KSR2: variants seen among roughly 807,000 people sequenced by gnomAD.
KSR2 encodes the protein kinase suppressor of ras 2.
KSR2 carries 25 observed loss-of-function variants against 107.8 expected under a neutral mutation model. That is an observed-to-expected ratio of 0.23 (90% CI 0.17 to 0.32). The LOEUF (loss-of-function observed/expected upper bound fraction) is 0.32, where lower values mean the gene tolerates loss of function less well. Ranked by LOEUF, KSR2 falls within the 10% of genes least tolerant of loss-of-function variation. KSR2 has a pLI of 1.00. For missense variants in KSR2, 887 were observed against 1,268.9 expected, an observed-to-expected ratio of 0.70 and a Z score of 4.57; for synonymous variants, 480 against 507.0, an observed-to-expected ratio of 0.95 and a Z score of 0.71.
In KSR2 at chr12:117,463,361, G is replaced by C. The variant is rs1360356339; in HGVS notation, c.*3838C>G. 6.6e-6 allele frequency: 1 copy of C among 152,158 alleles called. No individual in the cohort carries two copies. The highest frequency in any genetic ancestry group is 1.9e-4 in the East Asian group (1 of 5,176). 9.4% of individuals were successfully genotyped at this position (152,158 alleles called of 1,614,324 possible). ...CCAACCCTCTCTATCAAAGGCTCCTGTTCCTCCCCTGACAGCCATATCCAA... is the reference window on the plus strand; with the variant it reads ...CCAACCCTCTCTATCAAAGGCTCCTCTTCCTCCCCTGACAGCCATATCCAA... On this transcript the variant is annotated 3_prime_UTR_variant, in exon 20 of 20. Coordinates refer to ENST00000339824, the MANE Select transcript of KSR2 (RefSeq NM_173598.6).
intron 14 of KSR2, among the ~76,000 whole-genome samples, chr12:117,507,335 C>A (rs1298880094): frequency 6.6e-6 from 1 of 152,158 alleles, no homozygotes; most frequent in Non-Finnish European, 1.5e-5. Context: ...GTCTTTAAGT[C>A]ACTTAAAGAA....
intron 5 of KSR2, 26 bp from the exon 6 acceptor site, chr12:117,582,385 TAC>T: frequency 6.3e-7 from 1 of 1,588,902 alleles, no homozygotes; most frequent in Non-Finnish European, 8.6e-7. Context: ...AACAGCCTGT[TAC>T]ACAGAGGGTC....
chr12:117,471,360 G>A (rs942497134), intron 17 of KSR2, 40 bp from the exon 18 acceptor site: 10 of 1,597,674 alleles, frequency 6.3e-6, no homozygotes, highest in Middle Eastern at 3.8e-4. Flanking sequence ...GGTGTGGTGT[G>A]TCACTTGCAA....
chr12:117,807,767 C>G (rs188184524), intron 3 of KSR2, among the ~76,000 whole-genome samples: 1 of 152,316 alleles, frequency 6.6e-6, no homozygotes, highest in African/African-American at 2.4e-5. Flanking sequence ...AGTTGTGATT[C>G]CTGCACCTCA....
intron 5 of KSR2, among the ~76,000 whole-genome samples, chr12:117,609,945 C>G (rs1435843741): frequency 6.6e-6 from 1 of 152,144 alleles, no homozygotes; most frequent in Admixed American, 6.5e-5. Context: ...CTACCTGTCC[C>G]TTTATGGAAA....
chr12:117,590,715 G>A, intron 5 of KSR2, among the ~76,000 whole-genome samples: 1 of 152,106 alleles, frequency 6.6e-6, no homozygotes, highest in Admixed American at 6.5e-5. Flanking sequence ...AGTTTAATTG[G>A]CACACAGCCA....
At chr12:117,601,788 T>C (rs988339425) in intron 5 of KSR2, among the ~76,000 whole-genome samples, 2 of 152,134 alleles carry the variant, frequency 1.3e-5, no homozygotes, top group Non-Finnish European at 2.9e-5. Flanking sequence ...ACACCTAATA[T>C]CAAAGGCAGC....
At chr12:117,924,342 C>T (rs1174340431) in intron 1 of KSR2, among the ~76,000 whole-genome samples, 27 of 148,468 alleles carry the variant, frequency 1.8e-4, no homozygotes, top group Non-Finnish European at 1.0e-4. Context: ...CTGAGGCGGG[C>T]GGATCATGAG....
chr12:117,927,075 T>A (rs960088388), intron 1 of KSR2, among the ~76,000 whole-genome samples: 15 of 152,082 alleles, frequency 9.9e-5, no homozygotes, highest in African/African-American at 2.2e-4. Context: ...ATAATTTTTT[T>A]AAAAAAAGGA....
intron 14 of KSR2, among the ~76,000 whole-genome samples, chr12:117,494,755 T>C (rs1306070429): frequency 1.3e-5 from 2 of 152,126 alleles, no homozygotes; most frequent in Non-Finnish European, 2.9e-5. Flanking sequence ...ACTTATTGGA[T>C]AGAGAGTAGA....
chr12:117,868,863 G>T (rs942832319), intron 1 of KSR2, among the ~76,000 whole-genome samples: 9 of 151,822 alleles, frequency 5.9e-5, no homozygotes, highest in Admixed American at 3.9e-4. Context: ...CGAGTCTCCT[G>T]CCTCAGCCTC....
chr12:117,958,993 G>A lies in KSR2; in HGVS notation c.180+9083C>T, dbSNP rs80254149. Among the ~76,000 whole-genome samples, 757 of 152,220 alleles carry A rather than the reference G, an allele frequency of 5.0e-3. 8 individuals are homozygous for A. The highest frequency in any genetic ancestry group is 0.017 in the African/African-American group (694 of 41,534). On this transcript the variant is annotated intron_variant, in intron 1 of 19. Transcript: ENST00000339824. Reference sequence around the variant, plus strand: ...CAAAATAGCTAGAAGAGAATAATCCGAATGTTCTCAGTATAAAGAAAAGAT... The same window carrying A: ...CAAAATAGCTAGAAGAGAATAATCCAAATGTTCTCAGTATAAAGAAAAGAT...
intron 1 of KSR2, among the ~76,000 whole-genome samples, chr12:117,931,444 C>T (rs1400768734): frequency 6.6e-6 from 1 of 152,172 alleles, no homozygotes; most frequent in Non-Finnish European, 1.5e-5. Flanking sequence ...CTCCTGTATC[C>T]AATCTCCCTT....
chr12:117,622,855 A>C (rs1882264520), intron 5 of KSR2, among the ~76,000 whole-genome samples: 1 of 152,238 alleles, frequency 6.6e-6, no homozygotes, highest in African/African-American at 2.4e-5. Flanking sequence ...TGAATGCAAG[A>C]AATATAAGAA....
chr12:117,627,235 C>T (rs1320257703), intron 5 of KSR2, among the ~76,000 whole-genome samples: 1 of 152,114 alleles, frequency 6.6e-6, no homozygotes, highest in East Asian at 1.9e-4. Flanking sequence ...GAATTTGATC[C>T]TGTCATTATG....
intron 14 of KSR2, among the ~76,000 whole-genome samples, chr12:117,507,079 A>T (rs936992972): frequency 5.9e-5 from 9 of 152,164 alleles, no homozygotes; most frequent in African/African-American, 2.2e-4. Context: ...ATTAAAATCC[A>T]CCTGAAACAC....
chr12:117,716,911 A>C (rs1053554196), intron 4 of KSR2, among the ~76,000 whole-genome samples: 5 of 152,202 alleles, frequency 3.3e-5, no homozygotes, highest in Admixed American at 1.3e-4. Flanking sequence ...CTAAATCTCC[A>C]AGTGTTTTAT....
intron 1 of KSR2, among the ~76,000 whole-genome samples, chr12:117,961,824 A>T (rs1474970773): frequency 6.6e-6 from 1 of 152,160 alleles, no homozygotes; most frequent in Non-Finnish European, 1.5e-5. Flanking sequence ...AGCAATAGAA[A>T]ATTGAGATGG....
At chr12:117,668,803 C>G (rs1884778178) in intron 4 of KSR2, among the ~76,000 whole-genome samples, 1 of 152,122 alleles carries the variant, frequency 6.6e-6, no homozygotes, top group Non-Finnish European at 1.5e-5. Context: ...TGAAACCAAG[C>G]AGAAGCTTCA....
Sources: gnomAD v4.1 joint callset for allele counts (sites outside exome capture counted in the v4.1 genomes callset) on GRCh38, gnomAD v4.1.1 for gene constraint, MANE v1.5 for transcripts, NCBI Gene and HGNC (gene_info 2026-07-23, HGNC 2026-07-21) for gene names.